The following PSMD1 variants were observed in gnomAD, a reference collection of about 807,000 sequenced individuals.
PSMD1 encodes 26S proteasome non-ATPase regulatory subunit 1.
PSMD1 carries 18 observed loss-of-function variants against 119.0 expected under a neutral mutation model. The ratio of observed to expected loss-of-function variants is 0.15; its 90% CI spans 0.10 to 0.22. The LOEUF (loss-of-function observed/expected upper bound fraction) is 0.22. PSMD1 is among the 10% of genes least tolerant of loss of function. The probability of loss-of-function intolerance (pLI) is 1.00; values close to 1 mark genes in which losing one functional copy is unlikely to be tolerated. For missense variants in PSMD1, 702 were observed against 1,158.5 expected (o/e 0.61, Z 5.72); for synonymous variants, 374 against 396.6 (o/e 0.94, Z 0.68).
At chr2:231,072,476 A>T in intron 7 of PSMD1, 61 bp downstream of exon 7, 1 of 1,429,626 alleles carries the variant, frequency 7.0e-7, no homozygotes, top group Non-Finnish European at 9.7e-7. Flanking sequence ...TTTTGGGGAC[A>T]GGTAGAATAT....
chr2:231,062,509 G>A lies in PSMD1; in HGVS notation c.138G>A (p.Glu46=). The change falls in exon 4 of 25, where the codon GAG becomes GAA. Residue 46 remains glutamate (E), a synonymous_variant. Transcript: ENST00000308696. ...AEISESVDKI[E]VLYEDEGFRS... Reference sequence around the variant, plus strand: ...TGTACTTCCTAATTTCTTTCAGAGAGGTTTTATACGAAGATGAAGGTTTCC... The same window carrying A: ...TGTACTTCCTAATTTCTTTCAGAGAAGTTTTATACGAAGATGAAGGTTTCC... 6.3e-7 allele frequency: 1 copy of A among 1,587,612 alleles called. No homozygotes were observed. The highest frequency in any genetic ancestry group is 8.5e-7 in the Non-Finnish European group (1 of 1,170,054).
chr2:231,168,812 A>G (rs1198960405), intron 23 of PSMD1, among the ~76,000 whole-genome samples: 1 of 151,358 alleles, frequency 6.6e-6, no homozygotes, highest in East Asian at 1.9e-4. Context: ...ATTTTAAAAA[A>G]GAAAACACTG....
At chr2:231,138,108 T>C (rs1005457493) in intron 16 of PSMD1, among the ~76,000 whole-genome samples, 1 of 152,206 alleles carries the variant, frequency 6.6e-6, no homozygotes. Flanking sequence ...GCCAGGATCA[T>C]CTTTTAAAAG....
chr2:231,109,008 C>A, intron 16 of PSMD1: 3 of 1,614,178 alleles, frequency 1.9e-6, no homozygotes, highest in Non-Finnish European at 2.5e-6. Context: ...GCTCTCTGTT[C>A]GTTGGAAATG....
intron 24 of PSMD1, among the ~76,000 whole-genome samples, chr2:231,171,834 G>A (rs1387304493): frequency 6.6e-6 from 1 of 152,052 alleles, no homozygotes; most frequent in Non-Finnish European, 1.5e-5. Flanking sequence ...GGGATTACAG[G>A]TGTGAGCCAC....
intron 16 of PSMD1, among the ~76,000 whole-genome samples, chr2:231,127,828 G>A (rs895973903): frequency 6.6e-6 from 1 of 152,204 alleles, no homozygotes; most frequent in Non-Finnish European, 1.5e-5. Flanking sequence ...GTAGAGTGAA[G>A]TTTTTAATAT....
intron 16 of PSMD1, among the ~76,000 whole-genome samples, chr2:231,093,468 T>G (rs1451801448): frequency 6.6e-6 from 1 of 152,090 alleles, no homozygotes; most frequent in Non-Finnish European, 1.5e-5. Context: ...TTTCCTTCAT[T>G]TCTGGTACCA....
chr2:231,152,182 A>G (rs1696391411), intron 18 of PSMD1, among the ~76,000 whole-genome samples: 1 of 152,094 alleles, frequency 6.6e-6, no homozygotes, highest in Non-Finnish European at 1.5e-5. Flanking sequence ...TTTATAGTTA[A>G]AGAAATCCTG....
Position 231,139,390 on chromosome 2 carries a change from C to A in PSMD1, c.1998+540C>A, listed in dbSNP as rs534264509. 4.2e-5 allele frequency among the ~76,000 whole-genome samples: 6 copies of A among 141,676 alleles called. No homozygotes were observed. In the South Asian group the frequency reaches 1.3e-3, roughly 32 times the overall value. 92.9% of individuals were successfully genotyped at this position (141,676 alleles called of 152,430 possible). Reference sequence around the variant, plus strand: ...CTGAAGTGCAGTGGCAGGAACACTGCCCACTGCCAACACACTCAGCTAATT... The same window carrying A: ...CTGAAGTGCAGTGGCAGGAACACTGACCACTGCCAACACACTCAGCTAATT... On this transcript the variant is annotated intron_variant, in intron 17 of 24. Coordinates refer to ENST00000308696, the MANE Select transcript of PSMD1 (RefSeq NM_002807.4).
chr2:231,143,697 T>C (rs1437354489), intron 17 of PSMD1, among the ~76,000 whole-genome samples: 1 of 152,224 alleles, frequency 6.6e-6, no homozygotes, highest in African/African-American at 2.4e-5. Context: ...GATATGTATA[T>C]TCCTAGAACC....
intron 5 of PSMD1, among the ~76,000 whole-genome samples, chr2:231,068,101 A>G (rs902608690): frequency 1.3e-5 from 2 of 152,126 alleles, no homozygotes; most frequent in Admixed American, 1.3e-4. Flanking sequence ...TGTTAATCTT[A>G]TGGAGCCCTG....
intron 16 of PSMD1, chr2:231,109,478 G>A: frequency 7.6e-7 from 1 of 1,317,934 alleles, no homozygotes; most frequent in Non-Finnish European, 1.1e-6. Flanking sequence ...AGATCCTTTT[G>A]GATTGTATCC....
chr2:231,058,630 C>T (rs920249521), intron 1 of PSMD1, among the ~76,000 whole-genome samples: 1 of 152,002 alleles, frequency 6.6e-6, no homozygotes, highest in African/African-American at 2.4e-5. Flanking sequence ...GTTGGACACC[C>T]CTGGCATACA....
intron 9 of PSMD1, 67 bp downstream of exon 9, chr2:231,077,229 A>T (rs1694189798): frequency 9.0e-7 from 1 of 1,116,814 alleles, no homozygotes; most frequent in Non-Finnish European, 1.2e-6. Flanking sequence ...ATAAGTAATT[A>T]TATTTATTTC....
At chr2:231,168,365 A>G (rs994988029) in intron 23 of PSMD1, among the ~76,000 whole-genome samples, 1 of 152,250 alleles carries the variant, frequency 6.6e-6, no homozygotes, top group Non-Finnish European at 1.5e-5. Flanking sequence ...ACTAACGCTC[A>G]TATCAGCATG....
intron 16 of PSMD1, among the ~76,000 whole-genome samples, chr2:231,091,670 A>C (rs754983550): frequency 6.6e-6 from 1 of 152,170 alleles, no homozygotes; most frequent in East Asian, 1.9e-4. Flanking sequence ...GGGTCTATCC[A>C]GGAGAGATGT....
At chr2:231,148,588 C>T (rs965644175) in intron 18 of PSMD1, among the ~76,000 whole-genome samples, 1 of 152,116 alleles carries the variant, frequency 6.6e-6, no homozygotes, top group South Asian at 2.1e-4. Flanking sequence ...TAGCCTTTGC[C>T]AGTAATATAA....
chr2:231,093,548 G>T (rs889440055), intron 16 of PSMD1, among the ~76,000 whole-genome samples: 2 of 152,136 alleles, frequency 1.3e-5, no homozygotes, highest in Non-Finnish European at 2.9e-5. Context: ...ACCTGAGGGG[G>T]TGTGAACACA....
At chr2:231,075,716 T>C in intron 8 of PSMD1, 145 bp downstream of exon 8, 1 of 675,482 alleles carries the variant, frequency 1.5e-6, no homozygotes, top group Non-Finnish European at 2.5e-6. Flanking sequence ...AGTAAATGGC[T>C]GGGATTGCAG....
Sources: gnomAD v4.1 joint callset for allele counts (sites outside exome capture counted in the v4.1 genomes callset) on GRCh38, gnomAD v4.1.1 for gene constraint, MANE v1.5 for transcripts, NCBI Gene and HGNC (gene_info 2026-07-23, HGNC 2026-07-21) for gene names.